TCF12: variants seen among roughly 807,000 people sequenced by gnomAD.
TCF12 encodes the protein transcription factor 12, also known as DNA-binding protein HTF4.
Under a neutral mutation model 86.0 loss-of-function variants are expected in TCF12, and 45 were observed. That is an observed-to-expected ratio of 0.52 (90% CI 0.41 to 0.67). TCF12 has a LOEUF of 0.67. TCF12 is among the 30% of genes least tolerant of loss of function. TCF12 has a pLI of 0.00. For synonymous variants in TCF12, 330 were observed against 299.6 expected, an observed-to-expected ratio of 1.10 and a Z score of -1.05; for missense variants, 881 against 859.9, an observed-to-expected ratio of 1.02 and a Z score of -0.31.
At chr15:57,187,273 G>A (rs2056727559) in intron 6 of TCF12, among the ~76,000 whole-genome samples, 1 of 152,030 alleles carries the variant, frequency 6.6e-6, no homozygotes, top group Non-Finnish European at 1.5e-5. Flanking sequence ...ACTCCATTTG[G>A]TAAAGGTCAT....
At chr15:57,239,895 A>G (rs1013746860) in intron 12 of TCF12, among the ~76,000 whole-genome samples, 4 of 152,206 alleles carry the variant, frequency 2.6e-5, no homozygotes, top group African/African-American at 4.8e-5. Context: ...TCCTGTCCAG[A>G]TAGAAAAGTC....
chr15:57,181,066 G>A (rs185450145), intron 6 of TCF12, among the ~76,000 whole-genome samples: 4,453 of 151,528 alleles, frequency 0.029, 179 homozygotes, highest in African/African-American at 0.09. Flanking sequence ...CGCCCGCCTC[G>A]GTCTCCCAAA....
At chr15:57,002,197 G>A (rs752573663) in intron 3 of TCF12, among the ~76,000 whole-genome samples, 30 of 152,278 alleles carry the variant, frequency 2.0e-4, no homozygotes, top group Non-Finnish European at 3.7e-4. Flanking sequence ...ATTGTGTTGT[G>A]TGTGCAAGAT....
At chr15:57,156,545 G>A (rs1480191357) in intron 5 of TCF12, among the ~76,000 whole-genome samples, 1 of 152,152 alleles carries the variant, frequency 6.6e-6, no homozygotes, top group Non-Finnish European at 1.5e-5. Context: ...TGCTGTCAGG[G>A]GAACTGGCTA....
chr15:57,196,791 G>T (rs1261680806), intron 7 of TCF12, among the ~76,000 whole-genome samples: 1 of 152,124 alleles, frequency 6.6e-6, no homozygotes, highest in Admixed American at 6.6e-5. Flanking sequence ...AGGACAAATT[G>T]TACAGTAATT....
At chr15:57,138,899 C>G (rs76569363) in intron 5 of TCF12, among the ~76,000 whole-genome samples, 1 of 152,088 alleles carries the variant, frequency 6.6e-6, no homozygotes, top group Non-Finnish European at 1.5e-5. Context: ...AATATTGTAA[C>G]TAATATTTCT....
chr15:57,016,430 G>A (rs765324480), intron 3 of TCF12, among the ~76,000 whole-genome samples: 1 of 152,168 alleles, frequency 6.6e-6, no homozygotes, highest in Non-Finnish European at 1.5e-5. Context: ...TATGGGATTT[G>A]TTTAGCTGAT....
intron 8 of TCF12, among the ~76,000 whole-genome samples, chr15:57,213,303 T>C (rs1191940904): frequency 1.3e-5 from 2 of 152,252 alleles, no homozygotes; most frequent in Admixed American, 6.5e-5. Flanking sequence ...ATACGTCTTT[T>C]CATAAATTCA....
In TCF12 at chr15:57,091,833, T is replaced by C. The variant is rs147239833; in HGVS notation, c.267T>C (p.Ser89=). The change falls in exon 5 of 21, where the codon AGT becomes AGC. Residue 89 remains serine, a synonymous_variant. Transcript: ENST00000333725. ...SPHYSDHLND[S]RLGAHEGLSP... Reference sequence around the variant, plus strand: ...ATTACAGTGATCACTTGAATGACAGTCGATTAGGAGCCCATGAAGGCTTGT... The same window carrying C: ...ATTACAGTGATCACTTGAATGACAGCCGATTAGGAGCCCATGAAGGCTTGT... 162 of 1,613,776 alleles carry C rather than the reference T, an allele frequency of 1.0e-4. No homozygotes were observed. Among genetic ancestry groups the C allele is most frequent in the Non-Finnish European group, 1.1e-4 (133 of 1,179,840 alleles).
chr15:57,169,546 T>C (rs1197795688), intron 6 of TCF12, among the ~76,000 whole-genome samples: 1 of 152,156 alleles, frequency 6.6e-6, no homozygotes, highest in African/African-American at 2.4e-5. Flanking sequence ...ATGAAAACAT[T>C]TCAAAAAATA....
At chr15:56,986,151 T>G (rs1195338006) in intron 3 of TCF12, among the ~76,000 whole-genome samples, 1 of 152,166 alleles carries the variant, frequency 6.6e-6, no homozygotes. Flanking sequence ...TAAAAAGACA[T>G]AGCATGAGAA....
chr15:57,235,566 C>T (rs777802367), intron 12 of TCF12, among the ~76,000 whole-genome samples: 47 of 151,986 alleles, frequency 3.1e-4, no homozygotes, highest in Non-Finnish European at 5.3e-4. Context: ...ACCCTTTTTT[C>T]GACTTACTGT....
At chr15:57,142,406 A>G (rs2053042615) in intron 5 of TCF12, among the ~76,000 whole-genome samples, 2 of 123,102 alleles carry the variant, frequency 1.6e-5, no homozygotes, top group African/African-American at 2.7e-5. Context: ...GTGTTCACTC[A>G]TAGAGCCTGA....
intron 6 of TCF12, among the ~76,000 whole-genome samples, chr15:57,184,144 C>CA (rs567127840): frequency 0.019 from 2,601 of 139,368 alleles, 39 homozygotes; most frequent in Non-Finnish European, 0.025. Context: ...GATTAGCAGC[C>CA]AAAAAAAAAA....
At chr15:57,163,037 G>A (rs1253567640) in intron 5 of TCF12, among the ~76,000 whole-genome samples, 1 of 152,088 alleles carries the variant, frequency 6.6e-6, no homozygotes, top group East Asian at 1.9e-4. Context: ...TGCCGGGTGT[G>A]GTGGCACGCC....
chr15:57,109,975 A>G (rs186090210), intron 5 of TCF12, among the ~76,000 whole-genome samples: 1 of 152,294 alleles, frequency 6.6e-6, no homozygotes, highest in East Asian at 1.9e-4. Flanking sequence ...GAAGACACAA[A>G]TAGTTCTAAT....
chr15:57,213,726 ACTTT>A (rs1190229203), intron 8 of TCF12, among the ~76,000 whole-genome samples: 2 of 152,214 alleles, frequency 1.3e-5, no homozygotes, highest in Non-Finnish European at 2.9e-5. Context: ...AACGGGTGGC[ACTTT>A]CTTTAAGAGA....
intron 8 of TCF12, among the ~76,000 whole-genome samples, chr15:57,205,129 A>G (rs1314508460): frequency 6.6e-6 from 1 of 152,066 alleles, no homozygotes; most frequent in African/African-American, 2.4e-5. Flanking sequence ...CCTAGCCAAC[A>G]TAATGGAACC....
At chr15:57,264,605 T>A (rs2060761070) in intron 18 of TCF12, among the ~76,000 whole-genome samples, 1 of 152,182 alleles carries the variant, frequency 6.6e-6, no homozygotes, top group Non-Finnish European at 1.5e-5. Flanking sequence ...CATGTTAGCC[T>A]AGGCCTACAC....
Sources: gnomAD v4.1 joint callset for allele counts (sites outside exome capture counted in the v4.1 genomes callset) on GRCh38, gnomAD v4.1.1 for gene constraint, MANE v1.5 for transcripts, NCBI Gene and HGNC (gene_info 2026-07-23, HGNC 2026-07-21) for gene names.